MELK: variants seen among roughly 807,000 people sequenced by gnomAD.
MELK encodes the protein maternal embryonic leucine zipper kinase.
In MELK, 81 loss-of-function variants were observed where a neutral mutation model predicts 85.0. The observed-to-expected ratio is 0.95, with a 90% confidence interval of 0.80 to 1.15. The LOEUF (loss-of-function observed/expected upper bound fraction) is 1.15, where lower values mean the gene tolerates loss of function less well. MELK is among the 50% of genes most tolerant of loss of function. The pLI, the probability that MELK is intolerant of heterozygous loss-of-function variation, is 0.00. For missense variants in MELK, 754 were observed against 777.5 expected, an observed-to-expected ratio of 0.97 and a Z score of 0.36; for synonymous variants, 252 against 265.0, an observed-to-expected ratio of 0.95 and a Z score of 0.48.
In MELK at chr9:36,607,600, T is replaced by A. The variant is rs762194617; in HGVS notation, c.593T>A (p.Leu198Gln). The A allele has an allele frequency of 1.2e-6, 2 of 1,612,816 alleles. No individual in the cohort carries two copies. The highest frequency in any genetic ancestry group is 1.7e-6 in the Non-Finnish European group (2 of 1,178,872). The part of the protein sequence containing the change: ...SEADVWSMGI[L>Q]LYVLMCGFLP... The stretch of plus-strand genomic sequence containing the variant: ...GCAGATGTTTGGAGCATGGGCATAC[T>A]GTTATATGTTCTTATGTGTGGATTT... Residue 198 changes from leucine (L) to glutamine (Q), a missense_variant, in exon 8 of 18, where the codon CTG (leucine) becomes CAG (glutamine). Leu to Gln is a moderately radical substitution (Grantham distance 113). Coordinates refer to ENST00000298048, the MANE Select transcript of MELK (RefSeq NM_014791.4).
At chr9:36,659,588 A>G (rs1273664203) in intron 13 of MELK, among the ~76,000 whole-genome samples, 1 of 152,192 alleles carries the variant, frequency 6.6e-6, no homozygotes, top group African/African-American at 2.4e-5. Flanking sequence ...CAATTAGCAT[A>G]GTGATCAGCT....
chr9:36,624,114 C>T (rs893452933), intron 8 of MELK, among the ~76,000 whole-genome samples: 2 of 141,948 alleles, frequency 1.4e-5, no homozygotes, highest in African/African-American at 2.7e-5. Flanking sequence ...GATGGAGTCT[C>T]GCTCTGTCGC....
chr9:36,608,878 C>T (rs1037497493), intron 8 of MELK, among the ~76,000 whole-genome samples: 2 of 152,146 alleles, frequency 1.3e-5, no homozygotes, highest in Non-Finnish European at 1.5e-5. Flanking sequence ...CCACCGCACC[C>T]GGCCCAATAT....
intron 10 of MELK, among the ~76,000 whole-genome samples, chr9:36,636,766 T>G (rs4996946): frequency 0.018 from 1,984 of 111,100 alleles, 52 homozygotes; most frequent in African/African-American, 0.069. Flanking sequence ...CTTTCTTTCT[T>G]TCTTTCTTTC....
intron 1 of MELK, among the ~76,000 whole-genome samples, chr9:36,573,371 T>G (rs942997084): frequency 3.3e-5 from 5 of 152,208 alleles, no homozygotes; most frequent in African/African-American, 1.2e-4. Flanking sequence ...TTTTTTCTGT[T>G]TGTACAACTC....
At chr9:36,675,989 A>C (rs1251687711) in intron 17 of MELK, among the ~76,000 whole-genome samples, 3 of 152,136 alleles carry the variant, frequency 2.0e-5, no homozygotes, top group Non-Finnish European at 1.5e-5. Context: ...TCATTAGAAC[A>C]CATCTCTCCC....
chr9:36,607,308 G>A lies in MELK; in HGVS notation c.568-267G>A, dbSNP rs537114803. 5.9e-4 allele frequency among the ~76,000 whole-genome samples: 90 copies of A among 152,214 alleles called. 1 individual carries two copies. The highest frequency in any genetic ancestry group is 3.5e-3 in the South Asian group (17 of 4,822). ...CCCAGCCTACTGGAAATTATTTTCT[G>A]TTAAGTGTTAGAGTCCAGCTGGAGG... On this transcript the variant is annotated intron_variant, in intron 7 of 17. Coordinates refer to ENST00000298048, the MANE Select transcript of MELK (RefSeq NM_014791.4).
Position 36,665,393 on chromosome 9 carries a change from C to A in MELK, c.1220C>A (p.Ser407Ter), listed in dbSNP as rs1258099925. 1.9e-6 allele frequency: 3 copies of A among 1,613,384 alleles called. No individual in the cohort carries two copies. The highest frequency in any genetic ancestry group is 2.2e-5 in the South Asian group (2 of 91,026). The change falls in exon 14 of 18, where the codon TCA (serine) becomes TAA (stop). Residue 407 changes from serine to a stop codon, truncating the protein, a stop_gained. Transcript: ENST00000298048. LOFTEE classifies it high-confidence loss of function. Reference protein sequence around the residue: ...WTESNGVESKSLTPALCRTPA... With the variant: ...WTESNGVESK The stretch of plus-strand genomic sequence containing the variant: ...GAATCAAATGGGGTGGAATCTAAAT[C>A]ATTAACTCCAGCCTTATGCAGAACA...
intron 1 of MELK, among the ~76,000 whole-genome samples, chr9:36,573,664 C>T (rs1376059732): frequency 6.6e-6 from 1 of 152,176 alleles, no homozygotes; most frequent in Non-Finnish European, 1.5e-5. Flanking sequence ...CGCCACCACG[C>T]CCGGCTCATT....
At chr9:36,607,423 C>T (rs986921836) in intron 7 of MELK, 152 bp from the exon 8 acceptor site, 1 of 610,984 alleles carries the variant, frequency 1.6e-6, no homozygotes, top group Non-Finnish European at 2.8e-6. Context: ...GCTTCAGGTT[C>T]TCTGACTATA....
At chr9:36,577,737 T>C (rs1372633759) in intron 1 of MELK, among the ~76,000 whole-genome samples, 2 of 152,142 alleles carry the variant, frequency 1.3e-5, no homozygotes, top group Non-Finnish European at 2.9e-5. Context: ...CCGCAACCTC[T>C]GCTTCCCGGG....
At chr9:36,618,418 AAAAG>A (rs1256510171) in intron 8 of MELK, among the ~76,000 whole-genome samples, 1 of 152,012 alleles carries the variant, frequency 6.6e-6, no homozygotes, top group African/African-American at 2.4e-5. Context: ...AAAAAAAAAA[AAAAG>A]AAAAAGAAAA....
intron 1 of MELK, among the ~76,000 whole-genome samples, chr9:36,576,720 C>T (rs763648931): frequency 3.3e-5 from 5 of 151,930 alleles, no homozygotes; most frequent in Non-Finnish European, 7.4e-5. Context: ...TTAGTAGAGA[C>T]GGGGTTTCTG....
chr9:36,657,419 A>G, intron 13 of MELK, 56 bp downstream of exon 13: 1 of 1,527,350 alleles, frequency 6.5e-7, no homozygotes, highest in Admixed American at 2.2e-5. Flanking sequence ...TTATAAAAAC[A>G]ACCAGACTAA....
intron 12 of MELK, among the ~76,000 whole-genome samples, chr9:36,653,668 G>T (rs564807635): frequency 1.3e-5 from 2 of 152,034 alleles, no homozygotes; most frequent in African/African-American, 4.8e-5. Context: ...CTAGGAAATT[G>T]TACCTCATCC....
chr9:36,638,550 T>A (rs1205034527), intron 10 of MELK, among the ~76,000 whole-genome samples: 1 of 152,098 alleles, frequency 6.6e-6, no homozygotes, highest in African/African-American at 2.4e-5. Flanking sequence ...CTCCCAAAGT[T>A]CTGGTGTTAC....
intron 3 of MELK, among the ~76,000 whole-genome samples, chr9:36,586,354 A>G (rs1466255482): frequency 1.3e-5 from 2 of 152,154 alleles, no homozygotes; most frequent in African/African-American, 4.8e-5. Context: ...GAAAAAAAAA[A>G]AAAAAGTCAA....
chr9:36,664,386 G>T (rs1391607212), intron 13 of MELK, among the ~76,000 whole-genome samples: 1 of 152,094 alleles, frequency 6.6e-6, no homozygotes, highest in Non-Finnish European at 1.5e-5. Context: ...TTGGGTTAAG[G>T]GCTTGAGTTG....
At chr9:36,599,161 T>C (rs7021542) in intron 6 of MELK, among the ~76,000 whole-genome samples, 5,950 of 152,068 alleles carry the variant, frequency 0.039, 324 homozygotes, top group African/African-American at 0.11. Flanking sequence ...TTGGGCATGG[T>C]GGCACGCTGC....
Sources: gnomAD v4.1 joint callset for allele counts (sites outside exome capture counted in the v4.1 genomes callset) on GRCh38, gnomAD v4.1.1 for gene constraint, MANE v1.5 for transcripts, NCBI Gene and HGNC (gene_info 2026-07-23, HGNC 2026-07-21) for gene names.